PPM1L: variants seen among roughly 807,000 people sequenced by gnomAD.
The protein encoded by PPM1L is protein phosphatase 1L.
PPM1L carries 13 observed loss-of-function variants against 31.4 expected under a neutral mutation model. That is an observed-to-expected ratio of 0.41 (90% confidence interval 0.27 to 0.66). The LOEUF (loss-of-function observed/expected upper bound fraction) is 0.66. Among genes scored for constraint, PPM1L ranks in the 30% least tolerant of loss-of-function variants. The pLI is 0.29. For missense variants in PPM1L, 326 were observed against 453.7 expected (o/e 0.72, Z 2.56); for synonymous variants, 184 against 175.4 (o/e 1.05, Z -0.39).
intron 1 of PPM1L, among the ~76,000 whole-genome samples, chr3:160,865,176 A>G (rs899684411): frequency 6.6e-6 from 1 of 152,238 alleles, no homozygotes; most frequent in Admixed American, 6.5e-5. Context: ...TGGCTTCAGT[A>G]TAATGACTAA....
At chr3:160,972,525 G>A (rs1295041856) in intron 2 of PPM1L, among the ~76,000 whole-genome samples, 1 of 152,122 alleles carries the variant, frequency 6.6e-6, no homozygotes. Flanking sequence ...CAAAGGACAT[G>A]AACTCATCAT....
At chr3:160,782,973 A>C (rs1711791780) in intron 1 of PPM1L, among the ~76,000 whole-genome samples, 1 of 152,154 alleles carries the variant, frequency 6.6e-6, no homozygotes, top group African/African-American at 2.4e-5. Flanking sequence ...CAAAGTGGTG[A>C]TTGCTAAGAA....
chr3:160,985,570 T>A (rs1037240724), intron 2 of PPM1L, among the ~76,000 whole-genome samples: 2 of 152,222 alleles, frequency 1.3e-5, no homozygotes, highest in Admixed American at 1.3e-4. Flanking sequence ...TTTTTTCTAA[T>A]AAGTTCTTTC....
chr3:160,983,429 T>G (rs776010090), intron 2 of PPM1L, among the ~76,000 whole-genome samples: 3 of 151,784 alleles, frequency 2.0e-5, no homozygotes, highest in Non-Finnish European at 4.4e-5. Flanking sequence ...TAGCAGATTT[T>G]TTGGGGGGTG....
chr3:160,775,168 T>A (rs539699273), intron 1 of PPM1L, among the ~76,000 whole-genome samples: 1 of 152,330 alleles, frequency 6.6e-6, no homozygotes, highest in South Asian at 2.1e-4. Flanking sequence ...AAGCTCAGAC[T>A]ACTATGTGCC....
At chr3:160,821,717 GT>G (rs1254779957) in intron 1 of PPM1L, among the ~76,000 whole-genome samples, 1 of 151,756 alleles carries the variant, frequency 6.6e-6, no homozygotes, top group African/African-American at 2.4e-5. Flanking sequence ...CTAGAATTTT[GT>G]TTTTACTGAT....
intron 2 of PPM1L, among the ~76,000 whole-genome samples, chr3:160,982,072 C>T (rs1239293367): frequency 6.6e-6 from 1 of 152,206 alleles, no homozygotes; most frequent in Non-Finnish European, 1.5e-5. Flanking sequence ...GGCCCCCTCT[C>T]GTTTTCTAAT....
chr3:161,030,418 C>T (rs551670231), intron 2 of PPM1L, among the ~76,000 whole-genome samples: 7 of 152,224 alleles, frequency 4.6e-5, no homozygotes, highest in African/African-American at 1.7e-4. Flanking sequence ...ATGGATCAGG[C>T]CCTCCCCAGA....
At chr3:161,056,759 C>T (rs778934414) in intron 2 of PPM1L, among the ~76,000 whole-genome samples, 3 of 151,878 alleles carry the variant, frequency 2.0e-5, no homozygotes, top group Non-Finnish European at 2.9e-5. Context: ...GTACAAAGCA[C>T]TCTTATAAGA....
At position 160,756,801 on chromosome 3, in the gene PPM1L, G is replaced by C; in HGVS notation, c.399+94G>C. On this transcript the variant is annotated intron_variant, in intron 1 of 3. Transcript: ENST00000498165. The surrounding 1 kb of genome is among the most constrained non-coding windows in gnomAD (Gnocchi z 6.2). ...TGTGTGTGTGTGTGTATAAACAACAGGACAGCGTGTGCGCAGCGGGAGAGG... is the reference window on the plus strand; with the variant it reads ...TGTGTGTGTGTGTGTATAAACAACACGACAGCGTGTGCGCAGCGGGAGAGG... 9.0e-7 allele frequency: 1 copy of C among 1,110,956 alleles called. No individual in the cohort carries two copies. The allele number at this position is 1,110,956 out of a possible 1,614,324, so 68.8% of individuals were successfully genotyped here. A position where few individuals can be genotyped will look rare whatever the true frequency, so the allele number is the denominator to read the frequency against.
At chr3:160,819,217 GA>G (rs901372985) in intron 1 of PPM1L, among the ~76,000 whole-genome samples, 1 of 151,880 alleles carries the variant, frequency 6.6e-6, no homozygotes, top group South Asian at 2.1e-4. Context: ...TAAATTATAG[GA>G]AAAAATGTTT....
intron 1 of PPM1L, among the ~76,000 whole-genome samples, chr3:160,848,474 C>A (rs576899913): frequency 1.3e-5 from 2 of 152,182 alleles, no homozygotes; most frequent in African/African-American, 4.8e-5. Context: ...ACTTCTGAAA[C>A]AGTGCCCTCT....
At chr3:160,973,338 A>G (rs1485638699) in intron 2 of PPM1L, among the ~76,000 whole-genome samples, 1 of 152,218 alleles carries the variant, frequency 6.6e-6, no homozygotes, top group African/African-American at 2.4e-5. Context: ...GTATACTTCA[A>G]AGAAAATAAT....
At chr3:160,809,311 C>T (rs953356308) in intron 1 of PPM1L, among the ~76,000 whole-genome samples, 1 of 152,110 alleles carries the variant, frequency 6.6e-6, no homozygotes, top group Admixed American at 6.5e-5. Flanking sequence ...TGGCATGGCT[C>T]TGAAGTAAAA....
chr3:160,782,770 T>TA (rs200014371), intron 1 of PPM1L, among the ~76,000 whole-genome samples: 1 of 152,118 alleles, frequency 6.6e-6, no homozygotes, highest in African/African-American at 2.4e-5. Context: ...TGTTGTAAAG[T>TA]AAAAAAAGAG....
At chr3:160,994,922 A>G (rs376903819) in intron 2 of PPM1L, among the ~76,000 whole-genome samples, 184 of 152,314 alleles carry the variant, frequency 1.2e-3, no homozygotes, top group African/African-American at 4.2e-3. Flanking sequence ...GATCTGCAAG[A>G]AAGGCGCTCC....
chr3:161,039,897 C>G lies in PPM1L; in HGVS notation c.575-25506C>G, dbSNP rs147847497. On this transcript the variant is annotated intron_variant, in intron 2 of 3. Coordinates refer to ENST00000498165, the MANE Select transcript of PPM1L (RefSeq NM_139245.4). Reference sequence around the variant, plus strand: ...GAAAGCATTGAAAGAACCTGCTTCCCATCTGCTGATCAAACTGGAGCCTGA... The same window carrying G: ...GAAAGCATTGAAAGAACCTGCTTCCGATCTGCTGATCAAACTGGAGCCTGA... Among the ~76,000 whole-genome samples, 4 of 152,308 alleles carry G rather than the reference C, an allele frequency of 2.6e-5. No individual in the cohort carries two copies. In the East Asian group the frequency reaches 5.8e-4, roughly 22 times the overall value.
intron 1 of PPM1L, among the ~76,000 whole-genome samples, chr3:160,949,874 A>G (rs1051432923): frequency 2.0e-5 from 3 of 152,224 alleles, no homozygotes; most frequent in African/African-American, 7.2e-5. Flanking sequence ...CAAGGTGATG[A>G]TTCCTATTTG....
At chr3:160,974,175 T>A (rs913008408) in intron 2 of PPM1L, among the ~76,000 whole-genome samples, 2 of 151,826 alleles carry the variant, frequency 1.3e-5, no homozygotes, top group African/African-American at 4.8e-5. Context: ...TCCAATTTCA[T>A]CTATGTCCCT....
Sources: allele counts gnomAD v4.1 joint callset (sites outside exome capture counted in the v4.1 genomes callset), GRCh38; gene constraint gnomAD v4.1.1; non-coding constraint Gnocchi (gnomAD v3.1); transcripts MANE v1.5; gene names NCBI Gene and HGNC (gene_info 2026-07-23, HGNC 2026-07-21).